Variants in ANO3 observed in about 807,000 individuals in gnomAD.
ANO3 encodes anoctamin-3.
ANO3 carries 99 observed loss-of-function variants against 144.8 expected under a neutral mutation model. The ratio of observed to expected loss-of-function variants is 0.68; its 90% CI spans 0.58 to 0.81. The LOEUF is 0.81. Among genes scored for constraint, ANO3 ranks in the 30% least tolerant of loss-of-function variants. The pLI is 0.00. For missense variants in ANO3, 905 were observed against 1,202.2 expected (o/e 0.75, Z 3.66); for synonymous variants, 414 against 392.6 (o/e 1.05, Z -0.64).
chr11:26,436,607 G>A (rs1013266740), intron 1 of ANO3, among the ~76,000 whole-genome samples: 1 of 151,912 alleles, frequency 6.6e-6, no homozygotes, highest in Non-Finnish European at 1.5e-5. Flanking sequence ...GGGGACCTTG[G>A]TCAGGAGGTC....
intron 24 of ANO3, among the ~76,000 whole-genome samples, chr11:26,650,242 T>A (rs201729039): frequency 7.2e-6 from 1 of 138,070 alleles, no homozygotes; most frequent in South Asian, 2.5e-4. Flanking sequence ...CGGAAGAAGA[T>A]GACAGTGGGA....
intron 10 of ANO3, among the ~76,000 whole-genome samples, chr11:26,538,268 C>A (rs1021820780): frequency 3.3e-5 from 5 of 152,118 alleles, no homozygotes; most frequent in African/African-American, 9.7e-5. Context: ...ATATAGGTAA[C>A]TGAGGTACAG....
rs527899211 is a variant in ANO3, at chr11:26,300,967, C to T, written c.155-8678C>T. Among the ~76,000 whole-genome samples the T allele has an allele frequency of 3.7e-5, 5 of 133,570 alleles. No homozygotes were observed. In the South Asian group the frequency reaches 1.1e-3, roughly 30 times the overall value. 87.6% of individuals were successfully genotyped at this position (133,570 alleles called of 152,430 possible). A position where few individuals can be genotyped will look rare whatever the true frequency, so the allele number is the denominator to read the frequency against. ...CTCCTGGGCTCAAGCGATTCTCCTG[C>T]CTCAGCCTCCCAAGTAGTTGGGATT... On this transcript the variant is annotated intron_variant, in intron 1 of 27. Transcript: ENST00000672621.
intron 3 of ANO3, among the ~76,000 whole-genome samples, chr11:26,449,162 C>G (rs548302131): frequency 1.3e-3 from 196 of 152,194 alleles, no homozygotes; most frequent in African/African-American, 4.6e-3. Flanking sequence ...ATCTTGTGTT[C>G]CTTGTTCACA....
At chr11:26,515,094 G>A (rs771466976) in intron 5 of ANO3, among the ~76,000 whole-genome samples, 3 of 152,010 alleles carry the variant, frequency 2.0e-5, no homozygotes, top group Non-Finnish European at 2.9e-5. Context: ...AAGACCTATA[G>A]ATATTTGAGA....
intron 4 of ANO3, among the ~76,000 whole-genome samples, chr11:26,463,869 A>C (rs889339432): frequency 3.2e-4 from 48 of 151,698 alleles, no homozygotes; most frequent in African/African-American, 1.2e-3. Flanking sequence ...GATGATTTTC[A>C]CGACAAATCC....
chr11:26,443,924 T>TA, intron 3 of ANO3, 88 bp downstream of exon 3: 2 of 820,882 alleles, frequency 2.4e-6, no homozygotes, highest in Non-Finnish European at 3.8e-6. Flanking sequence ...ATTTTTTTTT[T>TA]AAGAAAAAGT....
At chr11:26,639,749 A>G (rs1337733259) in intron 21 of ANO3, among the ~76,000 whole-genome samples, 1 of 152,138 alleles carries the variant, frequency 6.6e-6, no homozygotes, top group East Asian at 1.9e-4. Context: ...CATCAAAACA[A>G]TAGCATTCTA....
At chr11:26,299,807 GTT>G (rs1564955218) in intron 1 of ANO3, among the ~76,000 whole-genome samples, 1 of 152,112 alleles carries the variant, frequency 6.6e-6, no homozygotes, top group Admixed American at 6.5e-5. Flanking sequence ...AATACAGTTC[GTT>G]TATCTAGACT....
chr11:26,270,022 A>C (rs183761615), intron 1 of ANO3, among the ~76,000 whole-genome samples: 1 of 152,324 alleles, frequency 6.6e-6, no homozygotes, highest in Admixed American at 6.5e-5. Flanking sequence ...GCCATCTAGA[A>C]ACCAAGGAGA....
Position 26,541,995 on chromosome 11 carries a change from AACAG to A in ANO3, c.1085_1088del (p.Arg362IlefsTer21), listed in dbSNP as rs1565092110. ...CATTAAAACCCATGGACCTCAGAATAACAGACATCTATTATATGAGCGCTGGGCA... is the reference window on the plus strand; with the variant it reads ...CATTAAAACCCATGGACCTCAGAATAACATCTATTATATGAGCGCTGGGCA... On this transcript the variant is annotated frameshift_variant, in exon 11 of 27. Coordinates refer to ENST00000256737, the MANE Select transcript of ANO3 (RefSeq NM_031418.4). LOFTEE classifies it high-confidence loss of function. 2.5e-6 allele frequency: 4 copies of A among 1,612,964 alleles called. No homozygotes were observed. The highest frequency in any genetic ancestry group is 3.4e-6 in the Non-Finnish European group (4 of 1,179,266).
intron 16 of ANO3, 41 bp downstream of exon 16, chr11:26,599,039 A>T (rs754883279): frequency 1.2e-6 from 2 of 1,600,734 alleles, no homozygotes; most frequent in Non-Finnish European, 1.7e-6. Context: ...TTGGGATTCT[A>T]AATTTAGAAG....
chr11:26,236,691 G>A (rs956801763), intron 1 of ANO3, among the ~76,000 whole-genome samples: 10 of 151,832 alleles, frequency 6.6e-5, no homozygotes, highest in African/African-American at 1.9e-4. Flanking sequence ...GGTGGCGGGC[G>A]CCTGTAGTCC....
intron 17 of ANO3, among the ~76,000 whole-genome samples, chr11:26,603,669 TAC>T (rs10539251): frequency 0.29 from 43,865 of 151,906 alleles, 6,677 homozygotes; most frequent in South Asian, 0.46. Flanking sequence ...AGAATACACA[TAC>T]AGTCTCCTGG....
At chr11:26,328,793 G>A (rs1349674111), upstream of ANO3, among the ~76,000 whole-genome samples, 1 of 152,120 alleles carries the variant, frequency 6.6e-6, no homozygotes, top group Admixed American at 6.6e-5. Flanking sequence ...TAGGGGGGTT[G>A]AAGATCTATG....
chr11:26,261,960 C>T (rs189049110), intron 1 of ANO3, among the ~76,000 whole-genome samples: 40 of 152,256 alleles, frequency 2.6e-4, no homozygotes, highest in African/African-American at 9.6e-4. Context: ...CTGGTCAGTG[C>T]TAACAGGTTT....
At chr11:26,554,058 C>G (rs749684449) in intron 13 of ANO3, among the ~76,000 whole-genome samples, 1 of 152,108 alleles carries the variant, frequency 6.6e-6, no homozygotes, top group Non-Finnish European at 1.5e-5. Context: ...CATATCCTCT[C>G]CAAAATTTTC....
At chr11:26,660,060 CTTTGT>C (rs1853830848) in intron 26 of ANO3, among the ~76,000 whole-genome samples, 197 bp from the exon 27 acceptor site, 1 of 152,030 alleles carries the variant, frequency 6.6e-6, no homozygotes, top group African/African-American at 2.4e-5. Context: ...GGAAGTAATT[CTTTGT>C]TTTGTCCTAA....
chr11:26,450,861 G>C (rs184392578), intron 3 of ANO3, among the ~76,000 whole-genome samples: 1 of 152,112 alleles, frequency 6.6e-6, no homozygotes, highest in African/African-American at 2.4e-5. Context: ...TGACATTATA[G>C]TAAAGAAGAA....
Sources: allele counts gnomAD v4.1 joint callset (sites outside exome capture counted in the v4.1 genomes callset), GRCh38; gene constraint gnomAD v4.1.1; transcripts MANE v1.5; gene names NCBI Gene and HGNC (gene_info 2026-07-23, HGNC 2026-07-21).